The following PTPRT variants were observed in gnomAD, a reference collection of about 807,000 sequenced individuals.
PTPRT encodes protein tyrosine phosphatase receptor type T.
PTPRT carries 56 observed loss-of-function variants against 176.8 expected under a neutral mutation model. That is an observed-to-expected ratio of 0.32 (90% CI 0.26 to 0.40). The LOEUF (loss-of-function observed/expected upper bound fraction) is 0.40. Among genes scored for constraint, PTPRT ranks in the 10% least tolerant of loss-of-function variants. The probability of loss-of-function intolerance (pLI) is 1.00; values close to 1 mark genes in which losing one functional copy is unlikely to be tolerated. For synonymous variants in PTPRT, 783 were observed against 739.0 expected (o/e 1.06, Z -0.96); for missense variants, 1,540 against 1,908.2 (o/e 0.81, Z 3.60).
intron 1 of PTPRT, among the ~76,000 whole-genome samples, chr20:42,950,264 T>C (rs1239593373): frequency 1.3e-5 from 2 of 152,190 alleles, no homozygotes; most frequent in African/African-American, 4.8e-5. Context: ...AATTGGTGGT[T>C]TCTATAGAAA....
chr20:42,624,005 C>CAAAAAAAAAAAAAAAAAAAAAAA lies in PTPRT; in HGVS notation c.1153+53860_1153+53861insTTTTTTTTTTTTTTTTTTTTTTT, dbSNP rs1159094345. The stretch of plus-strand genomic sequence containing the variant: ...CCCACGAAGGAAAACAAAACAATAG[C>CAAAAAAAAAAAAAAAAAAAAAAA]AACAAACAAACAAACAAACAAAAAA... On this transcript the variant is annotated intron_variant, in intron 7 of 30. Coordinates refer to ENST00000373187, the MANE Select transcript of PTPRT (RefSeq NM_007050.6). 9.6e-4 allele frequency among the ~76,000 whole-genome samples: 130 copies of CAAAAAAAAAAAAAAAAAAAAAAA among 135,670 alleles called. 2 individuals are homozygous for CAAAAAAAAAAAAAAAAAAAAAAA. The highest frequency in any genetic ancestry group is 3.8e-3 in the African/African-American group (117 of 31,114). The allele number at this position is 135,670 out of a possible 152,430, so 89.0% of individuals were successfully genotyped here.
intron 1 of PTPRT, among the ~76,000 whole-genome samples, chr20:42,974,111 G>A (rs1418015408): frequency 1.3e-5 from 2 of 152,038 alleles, no homozygotes; most frequent in Non-Finnish European, 2.9e-5. Flanking sequence ...CCCATATCCC[G>A]CCAACCAGCA....
intron 7 of PTPRT, among the ~76,000 whole-genome samples, chr20:42,649,412 G>A (rs1220239732): frequency 2.0e-5 from 3 of 152,120 alleles, no homozygotes; most frequent in Admixed American, 2.0e-4. Context: ...TTTGGGTGGG[G>A]ACACAGCCAA....
rs3091760 is a variant in PTPRT at position 42,677,848 on chromosome 20, GA to G, written c.1153+17del. 1.1e-4 allele frequency: 169 copies of G among 1,482,810 alleles called. No homozygotes were observed. The highest frequency in any genetic ancestry group is 6.9e-4 in the Middle Eastern group (3 of 4,358). 91.9% of individuals were successfully genotyped at this position (1,482,810 alleles called of 1,614,324 possible). A position where few individuals can be genotyped will look rare whatever the true frequency, so the allele number is the denominator to read the frequency against. ...CACAGCCTCTCATAATGGAGCCTGG[GA>G]AAAAAAAAAATCTTACCTGCACACT... On this transcript the variant is annotated intron_variant, in intron 7 of 30. Coordinates refer to ENST00000373187, the MANE Select transcript of PTPRT (RefSeq NM_007050.6).
At chr20:42,456,129 T>C (rs973855504) in intron 8 of PTPRT, among the ~76,000 whole-genome samples, 15 of 152,068 alleles carry the variant, frequency 9.9e-5, no homozygotes, top group Non-Finnish European at 1.6e-4. Flanking sequence ...AAACTTATGT[T>C]AAATGTATTA....
At chr20:42,851,163 C>T (rs1430263012) in intron 2 of PTPRT, among the ~76,000 whole-genome samples, 1 of 152,184 alleles carries the variant, frequency 6.6e-6, no homozygotes, top group Admixed American at 6.5e-5. Flanking sequence ...TCTTGTCTTA[C>T]ATCTATTCTG....
chr20:42,805,431 G>A (rs1036523711), intron 2 of PTPRT, among the ~76,000 whole-genome samples: 4 of 152,192 alleles, frequency 2.6e-5, no homozygotes, highest in Non-Finnish European at 5.9e-5. Flanking sequence ...CAACAGGGCT[G>A]CCTGTTCACT....
chr20:42,199,213 C>G, intron 16 of PTPRT, 27 bp downstream of exon 16: 1 of 1,611,608 alleles, frequency 6.2e-7, no homozygotes, highest in African/African-American at 1.3e-5. Flanking sequence ...CACGGATGTC[C>G]CCTTCCCCTT....
At chr20:43,097,115 C>T (rs1192151870) in intron 1 of PTPRT, among the ~76,000 whole-genome samples, 2 of 152,194 alleles carry the variant, frequency 1.3e-5, no homozygotes, top group Non-Finnish European at 2.9e-5. Context: ...AATTCAACCA[C>T]ACTTGGGCCT....
chr20:42,148,588 G>A (rs1988985349), intron 17 of PTPRT, among the ~76,000 whole-genome samples: 1 of 152,082 alleles, frequency 6.6e-6, no homozygotes, highest in African/African-American at 2.4e-5. Flanking sequence ...TCTGAAAAGG[G>A]GAGATCTGAG....
intron 9 of PTPRT, among the ~76,000 whole-genome samples, chr20:42,415,190 C>T (rs530494771): frequency 6.6e-6 from 1 of 152,206 alleles, no homozygotes; most frequent in East Asian, 1.9e-4. Context: ...TTCATTTAGT[C>T]ACTGATTTTA....
At chr20:42,795,619 T>A (rs1310496278) in intron 2 of PTPRT, among the ~76,000 whole-genome samples, 1 of 152,216 alleles carries the variant, frequency 6.6e-6, no homozygotes, top group Non-Finnish European at 1.5e-5. Flanking sequence ...CCCCGCCAGC[T>A]CCCAGTGCCA....
intron 12 of PTPRT, among the ~76,000 whole-genome samples, chr20:42,286,028 CA>C (rs1236540386): frequency 6.6e-6 from 1 of 151,714 alleles, no homozygotes; most frequent in African/African-American, 2.4e-5. Context: ...TCAATTTAAC[CA>C]AGGAGGTAAA....
chr20:42,097,331 G>T (rs1010198143), intron 27 of PTPRT, among the ~76,000 whole-genome samples: 1 of 152,090 alleles, frequency 6.6e-6, no homozygotes, highest in South Asian at 2.1e-4. Context: ...AAACTGTTCC[G>T]CAAATAAGTC....
At chr20:42,067,484 C>T in the PTPRT span, among the ~76,000 whole-genome samples, 1 of 152,118 alleles carries the variant, frequency 6.6e-6, no homozygotes. Context: ...TACTCTCCAC[C>T]CCACTGGTCA....
chr20:42,283,235 T>A (rs1007856538), intron 12 of PTPRT, among the ~76,000 whole-genome samples: 1 of 152,182 alleles, frequency 6.6e-6, no homozygotes, highest in African/African-American at 2.4e-5. Context: ...TCTGCCCGCT[T>A]TACTGGGATT....
Position 42,357,504 on chromosome 20 carries a change from A to G in PTPRT, c.1561-5219T>C, listed in dbSNP as rs148264186. Among the ~76,000 whole-genome samples, 818 of 152,330 alleles carry G rather than the reference A, an allele frequency of 5.4e-3. 9 individuals are homozygous for G. The highest frequency in any genetic ancestry group is 0.019 in the African/African-American group (773 of 41,560). On this transcript the variant is annotated intron_variant, in intron 9 of 30. Coordinates refer to ENST00000373187, the MANE Select transcript of PTPRT (RefSeq NM_007050.6). ...CCTCGAGTTCTTCAAGGGAAAAATT[A>G]TAATTCTAATTTTAGTTTCCATTTT... is the stretch of plus-strand genomic sequence containing the variant.
At chr20:42,726,642 C>T (rs2076385559) in intron 6 of PTPRT, among the ~76,000 whole-genome samples, 1 of 152,166 alleles carries the variant, frequency 6.6e-6, no homozygotes, top group Admixed American at 6.5e-5. Flanking sequence ...TTACCATTTG[C>T]AAAATGGGAA....
At chr20:42,648,827 T>TTTTTGTTTTTTTTTTG (rs1157629496) in intron 7 of PTPRT, among the ~76,000 whole-genome samples, 4 of 146,496 alleles carry the variant, frequency 2.7e-5, no homozygotes, top group African/African-American at 1.0e-4. Flanking sequence ...GTTGTTTTTT[T>TTTTTGTTTTTTTTTTG]TTTTTTTTTT....
Sources: allele counts gnomAD v4.1 joint callset (sites outside exome capture counted in the v4.1 genomes callset), GRCh38; gene constraint gnomAD v4.1.1; transcripts MANE v1.5; gene names NCBI Gene and HGNC (gene_info 2026-07-23, HGNC 2026-07-21).